The following SPRY3 variants were observed in gnomAD, a reference collection of about 807,000 sequenced individuals.
SPRY3 encodes sprouty RTK signaling antagonist 3.
Under a neutral mutation model 20.2 loss-of-function variants are expected in SPRY3, and 15 were observed. The observed-to-expected ratio is 0.74, with a 90% CI of 0.50 to 1.14. The LOEUF (loss-of-function observed/expected upper bound fraction) is 1.14. Ranked by LOEUF, SPRY3 falls within the 50% of genes most tolerant of loss-of-function variation. SPRY3 has a pLI of 0.00. For missense variants in SPRY3, 364 were observed against 363.9 expected (o/e 1.00, Z 0.00); for synonymous variants, 143 against 136.5 (o/e 1.05, Z -0.33).
intron 2 of SPRY3, among the ~76,000 whole-genome samples, chrX:155,733,161 ATTGT>A (rs1194886535): frequency 2.0e-5 from 3 of 151,832 alleles, no homozygotes; most frequent in African/African-American, 4.8e-5. Context: ...GTATGTTTGG[ATTGT>A]TTGTAACACA....
chrX:155,748,910 A>G (rs1190248232), intron 2 of SPRY3, among the ~76,000 whole-genome samples: 1 of 151,912 alleles, frequency 6.6e-6, no homozygotes, highest in Admixed American at 6.6e-5. Context: ...GTAAATGTAA[A>G]CAGGCAACCG....
chrX:155,739,387 C>T (rs1464479798), intron 2 of SPRY3, among the ~76,000 whole-genome samples: 1 of 152,156 alleles, frequency 6.6e-6, no homozygotes, highest in Non-Finnish European at 1.5e-5. Flanking sequence ...CACCTGCTGG[C>T]TCTGGAGAGT....
intron 2 of SPRY3, among the ~76,000 whole-genome samples, chrX:155,752,996 A>G (rs1208016544): frequency 1.3e-5 from 2 of 151,920 alleles, no homozygotes; most frequent in Non-Finnish European, 2.9e-5. Context: ...TTAGTTAGAG[A>G]CAGGTACTTC....
At chrX:155,776,073 G>C (rs1366671925) in exon 4 of SPRY3, 1 of 167,078 alleles carries the variant, frequency 6.0e-6, no homozygotes, top group South Asian at 2.1e-4. Context: ...ACCACATTGA[G>C]TCATGGGACT....
chrX:155,708,406 A>G (rs2090965047), intron 2 of SPRY3, among the ~76,000 whole-genome samples: 1 of 151,284 alleles, frequency 6.6e-6, no homozygotes, highest in Non-Finnish European at 1.5e-5. Context: ...TCCCTTATAC[A>G]TGATGAGTTA....
intron 2 of SPRY3, among the ~76,000 whole-genome samples, chrX:155,760,338 G>A (rs2091299140): frequency 6.6e-6 from 1 of 152,152 alleles, no homozygotes; most frequent in Non-Finnish European, 1.5e-5. Flanking sequence ...GTAAGCCCAG[G>A]TCTGACTTCC....
intron 2 of SPRY3, among the ~76,000 whole-genome samples, chrX:155,734,070 G>C (rs1469091643): frequency 6.6e-6 from 1 of 152,116 alleles, no homozygotes; most frequent in Non-Finnish European, 1.5e-5. Context: ...GTTTACTGGA[G>C]TAGCACTTTT....
exon 4 of SPRY3, chrX:155,774,967 C>G (rs2091414555): frequency 6.7e-6 from 4 of 600,632 alleles, no homozygotes; most frequent in South Asian, 2.4e-5. Context: ...GCCAGCTCAG[C>G]CTTTATGGTT....
intron 2 of SPRY3, among the ~76,000 whole-genome samples, chrX:155,748,886 C>G (rs2091243116): frequency 1.3e-5 from 2 of 151,714 alleles, no homozygotes; most frequent in African/African-American, 2.4e-5. Context: ...ATTTTCTAAT[C>G]TAGGTCTTCA....
chrX:155,777,585 G>C (rs1178434328), downstream of SPRY3: 1 of 59,064 alleles, frequency 1.7e-5, no homozygotes, highest in Non-Finnish European at 5.0e-5. Flanking sequence ...GTCCTGTTGG[G>C]ATATGCGCAT....
chrX:155,709,277 A>C (rs908547829), intron 2 of SPRY3, among the ~76,000 whole-genome samples: 4 of 151,744 alleles, frequency 2.6e-5, no homozygotes, highest in African/African-American at 9.7e-5. Flanking sequence ...ACTAATTTAC[A>C]TTCCCGCCAA....
chrX:155,765,800 G>C (rs893857820), intron 2 of SPRY3, among the ~76,000 whole-genome samples: 1 of 152,172 alleles, frequency 6.6e-6, no homozygotes, highest in African/African-American at 2.4e-5. Flanking sequence ...ATCATCTCTT[G>C]CCTCTCCTAT....
At chrX:155,757,183 C>A (rs1405068668) in intron 2 of SPRY3, among the ~76,000 whole-genome samples, 1 of 152,158 alleles carries the variant, frequency 6.6e-6, no homozygotes, top group Non-Finnish European at 1.5e-5. Flanking sequence ...CCCTCTGATA[C>A]CTCTCTGGTT....
chrX:155,655,156 G>A (rs1179530886), intron 1 of SPRY3, among the ~76,000 whole-genome samples: 3 of 111,326 alleles, frequency 2.7e-5, no homozygotes, highest in African/African-American at 6.5e-5. Context: ...TTGGCTGTAC[G>A]TCTTCTTTTG....
At chrX:155,754,719 C>T (rs1200486612) in intron 2 of SPRY3, among the ~76,000 whole-genome samples, 4 of 151,864 alleles carry the variant, frequency 2.6e-5, no homozygotes, top group Non-Finnish European at 5.9e-5. Flanking sequence ...TTTCAATCTA[C>T]GAATATGGAG....
At chrX:155,709,491 C>T (rs1156454706) in intron 2 of SPRY3, among the ~76,000 whole-genome samples, 7 of 151,494 alleles carry the variant, frequency 4.6e-5, no homozygotes, top group Middle Eastern at 3.2e-3. Flanking sequence ...AAGTCTTTTG[C>T]CCATTTTTAA....
At chrX:155,615,272 C>T (rs1174392681) in intron 1 of SPRY3, among the ~76,000 whole-genome samples, 1 of 112,800 alleles carries the variant, frequency 8.9e-6, no homozygotes, top group Non-Finnish European at 1.9e-5. Flanking sequence ...GCCAAATTAT[C>T]ACCATCTCTT....
chrX:155,705,497 T>A (rs1298208487), intron 2 of SPRY3, among the ~76,000 whole-genome samples: 2 of 151,388 alleles, frequency 1.3e-5, no homozygotes, highest in African/African-American at 4.8e-5. Flanking sequence ...AAATGGTAGA[T>A]TTTAATCCAA....
intron 2 of SPRY3, among the ~76,000 whole-genome samples, chrX:155,740,616 T>C (rs1396330272): frequency 2.0e-5 from 3 of 152,112 alleles, no homozygotes; most frequent in Non-Finnish European, 2.9e-5. Flanking sequence ...CCCACCCTGG[T>C]GAATTCAAGG....
Sources: gnomAD v4.1 joint callset for allele counts (sites outside exome capture counted in the v4.1 genomes callset) on GRCh38, gnomAD v4.1.1 for gene constraint, MANE v1.5 for transcripts, NCBI Gene and HGNC (gene_info 2026-07-23, HGNC 2026-07-21) for gene names.